TPTE2: variants seen among roughly 807,000 people sequenced by gnomAD.
The protein encoded by TPTE2 is transmembrane phosphoinositide 3-phosphatase and tensin homolog 2.
In TPTE2, 53 loss-of-function variants were observed where a neutral mutation model predicts 78.6. That is an observed-to-expected ratio of 0.67 (90% confidence interval 0.54 to 0.85). The LOEUF is 0.85. TPTE2 is among the 40% of genes least tolerant of loss of function. TPTE2 has a pLI of 0.00. For missense variants in TPTE2, 461 were observed against 623.0 expected, an observed-to-expected ratio of 0.74 and a Z score of 2.77; for synonymous variants, 175 against 206.2, an observed-to-expected ratio of 0.85 and a Z score of 1.30.
At chr13:19,479,555 A>G (rs1593384737) in intron 4 of TPTE2, among the ~76,000 whole-genome samples, 5 of 152,300 alleles carry the variant, frequency 3.3e-5, no homozygotes, top group African/African-American at 1.2e-4. Flanking sequence ...CATACCAGAA[A>G]TCATAAATAC....
intron 1 of TPTE2, among the ~76,000 whole-genome samples, chr13:19,527,955 G>C (rs996428599): frequency 1.3e-5 from 2 of 152,228 alleles, no homozygotes; most frequent in African/African-American, 4.8e-5. Flanking sequence ...CTGTCCTTCT[G>C]ACCAGTCCTG....
intron 1 of TPTE2, among the ~76,000 whole-genome samples, chr13:19,527,182 T>C (rs1465268652): frequency 6.6e-6 from 1 of 152,092 alleles, no homozygotes; most frequent in Admixed American, 6.5e-5. Flanking sequence ...TGCGTGTCGG[T>C]TGGCAGGGAA....
At chr13:19,489,628 G>A (rs1467922508) in intron 3 of TPTE2, among the ~76,000 whole-genome samples, 1 of 149,488 alleles carries the variant, frequency 6.7e-6, no homozygotes. Context: ...ATGCACATAT[G>A]TAGACATATG....
At chr13:19,539,471 T>G (rs1440207006), upstream of TPTE2, among the ~76,000 whole-genome samples, 1 of 152,194 alleles carries the variant, frequency 6.6e-6, no homozygotes, top group East Asian at 1.9e-4. Context: ...TCTCCTTCGC[T>G]TTCTGATTGT....
chr13:19,492,788 G>C, intron 3 of TPTE2, 62 bp downstream of exon 6: 1 of 1,594,706 alleles, frequency 6.3e-7, no homozygotes, highest in Non-Finnish European at 8.6e-7. Context: ...GTATGTGCTT[G>C]GTGTGTGTAC....
chr13:19,561,402 G>A, the TPTE2 span: 5 of 445,572 alleles, frequency 1.1e-5, no homozygotes, highest in East Asian at 1.7e-4. Context: ...ACCTCCCGGG[G>A]CGCCGCGCCC....
intron 19 of TPTE2, among the ~76,000 whole-genome samples, chr13:19,424,740 G>A (rs1875889163): frequency 6.6e-6 from 1 of 152,186 alleles, no homozygotes; most frequent in South Asian, 2.1e-4. Context: ...CATGGACCCT[G>A]AGGATACTGC....
chr13:19,511,277 T>C (rs1869421743), intron 1 of TPTE2, among the ~76,000 whole-genome samples: 1 of 152,112 alleles, frequency 6.6e-6, no homozygotes, highest in South Asian at 2.1e-4. Flanking sequence ...CAACAAAAGG[T>C]ATGCACAAGA....
intron 3 of TPTE2, among the ~76,000 whole-genome samples, chr13:19,489,739 C>A (rs1159123442): frequency 1.5e-5 from 2 of 132,616 alleles, no homozygotes; most frequent in East Asian, 4.5e-4. Context: ...TATATACACA[C>A]ACACATATAT....
At chr13:19,539,819 G>A (rs535466790), upstream of TPTE2, among the ~76,000 whole-genome samples, 4 of 152,088 alleles carry the variant, frequency 2.6e-5, no homozygotes, top group Non-Finnish European at 5.9e-5. Context: ...TCCCTATGAT[G>A]ATTTTACAAT....
chr13:19,429,642 C>G (rs1156674541), intron 17 of TPTE2, among the ~76,000 whole-genome samples: 1 of 152,048 alleles, frequency 6.6e-6, no homozygotes, highest in African/African-American at 2.4e-5. Flanking sequence ...AGCCAAGGGT[C>G]AGGCCTGGGT....
chr13:19,541,041 C>T (rs2137766752), upstream of TPTE2, among the ~76,000 whole-genome samples: 1 of 152,308 alleles, frequency 6.6e-6, no homozygotes. Flanking sequence ...CTTTTTAAAA[C>T]TTAGTGTCCT....
chr13:19,476,318 T>G (rs1216896198), intron 4 of TPTE2, among the ~76,000 whole-genome samples: 1 of 151,474 alleles, frequency 6.6e-6, no homozygotes, highest in Non-Finnish European at 1.5e-5. Context: ...ACAATTTTTT[T>G]TGTCCTACTG....
intron 1 of TPTE2, among the ~76,000 whole-genome samples, chr13:19,497,142 G>A (rs1361684228): frequency 1.3e-5 from 2 of 151,966 alleles, no homozygotes; most frequent in African/African-American, 2.4e-5. Flanking sequence ...CTGTCTTGGA[G>A]GGTCCTACGC....
At chr13:19,494,788 T>G (rs1251917546) in intron 1 of TPTE2, among the ~76,000 whole-genome samples, 4 of 152,202 alleles carry the variant, frequency 2.6e-5, no homozygotes, top group Non-Finnish European at 5.9e-5. Flanking sequence ...GGATCAGGAC[T>G]AAAGGACAAA....
At chr13:19,488,099 T>C (rs1880766298) in intron 3 of TPTE2, among the ~76,000 whole-genome samples, 1 of 152,320 alleles carries the variant, frequency 6.6e-6, no homozygotes, top group South Asian at 2.1e-4. Flanking sequence ...TCACCACAGA[T>C]GTGTCTGCAC....
At position 19,437,705 on chromosome 13, in the gene TPTE2, T is replaced by A. The variant is rs549961810; in HGVS notation, c.1035+387A>T. ...TTTTTTCTGTGTAACATGACTTTACTCCCCTCACCTTAATCCTGCCCCATC... is the reference window on the plus strand; with the variant it reads ...TTTTTTCTGTGTAACATGACTTTACACCCCTCACCTTAATCCTGCCCCATC... On this transcript the variant is annotated intron_variant, in intron 14 of 19. Transcript: ENST00000400230. 2.0e-5 allele frequency among the ~76,000 whole-genome samples: 3 copies of A among 152,282 alleles called. No individual in the cohort carries two copies. The East Asian group carries it at 5.8e-4, about 29-fold the overall frequency.
chr13:19,504,963 G>A (rs1202019124), upstream of TPTE2, among the ~76,000 whole-genome samples: 6 of 151,786 alleles, frequency 4.0e-5, no homozygotes, highest in African/African-American at 1.5e-4. Context: ...ACATTTCATT[G>A]GTGGTTCTAT....
intron 1 of TPTE2, among the ~76,000 whole-genome samples, chr13:19,496,849 C>A (rs1342424171): frequency 6.6e-6 from 1 of 152,194 alleles, no homozygotes; most frequent in African/African-American, 2.4e-5. Context: ...GCGTGAGCGA[C>A]GCGGAAGACA....
Sources: gnomAD v4.1 joint callset for allele counts (sites outside exome capture counted in the v4.1 genomes callset) on GRCh38, gnomAD v4.1.1 for gene constraint, MANE v1.5 for transcripts, NCBI Gene and HGNC (gene_info 2026-07-23, HGNC 2026-07-21) for gene names.